The following SYTL2 variants were observed in gnomAD, a reference collection of about 807,000 sequenced individuals.
SYTL2 encodes the protein synaptotagmin like 2, also known as synaptotagmin-like protein 2.
Under a neutral mutation model 198.7 loss-of-function variants are expected in SYTL2, and 165 were observed. The observed-to-expected ratio is 0.83, with a 90% confidence interval of 0.73 to 0.94. The LOEUF is 0.94. Ranked by LOEUF, SYTL2 falls within the 40% of genes least tolerant of loss-of-function variation. The probability of loss-of-function intolerance (pLI) is 0.00; values close to 1 mark genes in which losing one functional copy is unlikely to be tolerated. For missense variants in SYTL2, 2,835 were observed against 2,582.8 expected, an observed-to-expected ratio of 1.10 and a Z score of -2.12; for synonymous variants, 966 against 917.7, an observed-to-expected ratio of 1.05 and a Z score of -0.95.
upstream of SYTL2, chr11:85,811,232 A>G (rs1458917511): frequency 1.3e-5 from 2 of 151,756 alleles, no homozygotes; most frequent in African/African-American, 4.8e-5. Flanking sequence ...GCTCGGGCCA[A>G]TGGCGCTTCG....
chr11:85,749,431 C>T (rs1024477662), intron 2 of SYTL2, among the ~76,000 whole-genome samples: 12 of 152,118 alleles, frequency 7.9e-5, no homozygotes, highest in Non-Finnish European at 2.9e-5. Flanking sequence ...GTGCTTCAGG[C>T]AGAGAATGTG....
chr11:85,711,328 T>C, intron 12 of SYTL2, 96 bp from the exon 13 acceptor site: 2 of 1,349,778 alleles, frequency 1.5e-6, no homozygotes, highest in East Asian at 4.8e-5. Context: ...GGTATTCCAC[T>C]GACATTTACG....
Position 85,726,922 on chromosome 11 carries a change from T to A in SYTL2, c.2436A>T (p.Lys812Asn), listed in dbSNP as rs1204530967. ...GTTCCTGGCTACATGAAGATGTGGG[T>A]TTTTCATGAGTTATCTTAGCACCAG... is the stretch of plus-strand genomic sequence containing the variant. Reference protein sequence around the residue: ...EKAGAKITHEKPTSSCSQEQP... With the variant: ...EKAGAKITHENPTSSCSQEQP... Residue 812 changes from lysine (K) to asparagine (N), a missense_variant, in exon 8 of 20, where the codon AAA (lysine) becomes AAT (asparagine). Transcript: ENST00000359152. 2.6e-5 allele frequency: 40 copies of A among 1,536,362 alleles called. No individual in the cohort carries two copies. The highest frequency in any genetic ancestry group is 3.1e-5 in the Non-Finnish European group (35 of 1,146,892).
At chr11:85,696,006 C>A (rs574076522) in intron 19 of SYTL2, among the ~76,000 whole-genome samples, 177 bp downstream of exon 19, 1 of 152,214 alleles carries the variant, frequency 6.6e-6, no homozygotes, top group African/African-American at 2.4e-5. Context: ...ATCCTCATAT[C>A]TGGAGCCCTT....
At chr11:85,834,760 CTTTT>C in the SYTL2 span, among the ~76,000 whole-genome samples, 3 of 146,606 alleles carry the variant, frequency 2.0e-5, no homozygotes, top group Non-Finnish European at 3.0e-5. Flanking sequence ...TTTTCTTTTT[CTTTT>C]TTTTTTTTCT....
chr11:85,708,022 G>C (rs2085510897), intron 14 of SYTL2: 1 of 347,186 alleles, frequency 2.9e-6, no homozygotes, highest in Non-Finnish European at 5.6e-6. Context: ...AGTTAGCTGG[G>C]TGTGGTGATG....
the SYTL2 span, among the ~76,000 whole-genome samples, chr11:85,838,991 C>A: frequency 1.3e-5 from 2 of 152,182 alleles, no homozygotes; most frequent in African/African-American, 4.8e-5. Flanking sequence ...GGATCCTCCT[C>A]ATCCTCTAGA....
chr11:85,743,529 A>G (rs1161567418), intron 4 of SYTL2, among the ~76,000 whole-genome samples: 1 of 152,132 alleles, frequency 6.6e-6, no homozygotes, highest in African/African-American at 2.4e-5. Context: ...TGATTCTCAT[A>G]CCTTGTTTCA....
chr11:85,815,297 T>C (rs2093060061), upstream of SYTL2, among the ~76,000 whole-genome samples: 1 of 152,242 alleles, frequency 6.6e-6, no homozygotes, highest in Non-Finnish European at 1.5e-5. Context: ...TAGATATTGC[T>C]AAAATGCTAT....
chr11:85,751,075 C>T (rs540689002), intron 2 of SYTL2, among the ~76,000 whole-genome samples: 1 of 152,164 alleles, frequency 6.6e-6, no homozygotes, highest in Non-Finnish European at 1.5e-5. Flanking sequence ...CTCCCTGAAA[C>T]ACATGGTCCC....
chr11:85,732,513 G>T (rs997065718), intron 7 of SYTL2, among the ~76,000 whole-genome samples: 2 of 150,532 alleles, frequency 1.3e-5, no homozygotes, highest in African/African-American at 4.9e-5. Context: ...ACCACCGCAT[G>T]TTCTCACCCA....
intron 1 of SYTL2, among the ~76,000 whole-genome samples, chr11:85,788,687 T>C (rs915705975): frequency 5.9e-5 from 9 of 152,008 alleles, no homozygotes; most frequent in Admixed American, 2.6e-4. Flanking sequence ...TCTTTGTCAA[T>C]AGCTGCTCTG....
intron 1 of SYTL2, among the ~76,000 whole-genome samples, chr11:85,774,357 T>C (rs1451699914): frequency 2.0e-5 from 3 of 152,204 alleles, no homozygotes; most frequent in African/African-American, 7.2e-5. Flanking sequence ...AGGGACTTCA[T>C]TAAATTCAAA....
At chr11:85,750,362 T>C (rs754497651) in intron 2 of SYTL2, among the ~76,000 whole-genome samples, 4 of 152,194 alleles carry the variant, frequency 2.6e-5, no homozygotes, top group Non-Finnish European at 5.9e-5. Context: ...GGGATGTCTT[T>C]CCCTCACTTC....
At chr11:85,742,738 T>A (rs958634548) in intron 4 of SYTL2, among the ~76,000 whole-genome samples, 1 of 152,238 alleles carries the variant, frequency 6.6e-6, no homozygotes, top group African/African-American at 2.4e-5. Flanking sequence ...ATAAAAACTT[T>A]AAAATGAAAC....
intron 1 of SYTL2, among the ~76,000 whole-genome samples, chr11:85,775,275 G>T (rs2092432408): frequency 6.6e-6 from 1 of 152,034 alleles, no homozygotes; most frequent in African/African-American, 2.4e-5. Flanking sequence ...TCCTCTGTTT[G>T]GGATTAAGCT....
chr11:85,711,160 A>G lies in SYTL2; in HGVS notation c.5698T>C (p.Ser1900Pro), dbSNP rs748260430. 2.5e-6 allele frequency: 4 copies of G among 1,614,070 alleles called. No homozygotes were observed. The highest frequency in any genetic ancestry group is 3.4e-6 in the Non-Finnish European group (4 of 1,179,978). ...GAGGAGCTGCTAAGATTGGTTAAAG[A>G]GCTCGGGCTCTTCTTGTGTCTGCTG... ...QLSRHKKSPS[S>P]LTNLSSSSGM... The change falls in exon 13 of 20, where the codon TCT becomes CCT. Residue 1900 changes from serine (S) to proline (P), a missense_variant. Ser to Pro is a moderately conservative substitution (Grantham distance 74). Transcript: ENST00000359152.
At position 85,724,315 on chromosome 11, in the gene SYTL2, G is replaced by T. The variant is rs1720333432; in HGVS notation, c.5043C>A (p.Pro1681=). Reference sequence around the variant, plus strand: ...CACTTTCACTGTCCCTGTCCTCTGGGGGGGTTACAGTTTTAATGGTCCCTA... The same window carrying T: ...CACTTTCACTGTCCCTGTCCTCTGGTGGGGTTACAGTTTTAATGGTCCCTA... ...HEIGTIKTVT[P]PEDRDSESGV... The change falls in exon 8 of 20, where the codon CCC becomes CCA. Residue 1681 remains proline, a synonymous_variant. Transcript: ENST00000359152. 6.3e-6 allele frequency: 10 copies of T among 1,578,078 alleles called. No homozygotes were observed. Among genetic ancestry groups the T allele is most frequent in the Non-Finnish European group, 8.6e-6 (10 of 1,165,388 alleles).
chr11:85,730,534 A>T (rs1355324513), intron 7 of SYTL2, among the ~76,000 whole-genome samples: 1 of 152,180 alleles, frequency 6.6e-6, no homozygotes, highest in African/African-American at 2.4e-5. Context: ...CCTTCGAAAA[A>T]ATTCAACAGC....
Sources: allele counts gnomAD v4.1 joint callset (sites outside exome capture counted in the v4.1 genomes callset), GRCh38; gene constraint gnomAD v4.1.1; transcripts MANE v1.5; gene names NCBI Gene and HGNC (gene_info 2026-07-23, HGNC 2026-07-21).